TMEM41B: variants seen among roughly 807,000 people sequenced by gnomAD.
The protein encoded by TMEM41B is protein stasimon.
TMEM41B carries 18 observed loss-of-function variants against 31.9 expected under a neutral mutation model. The ratio of observed to expected loss-of-function variants is 0.56; its 90% CI spans 0.39 to 0.84. The LOEUF (loss-of-function observed/expected upper bound fraction) is 0.84. TMEM41B is among the 40% of genes least tolerant of loss of function. The pLI, the probability that TMEM41B is intolerant of heterozygous loss-of-function variation, is 0.00. For synonymous variants in TMEM41B, 144 were observed against 124.3 expected, an observed-to-expected ratio of 1.16 and a Z score of -1.05; for missense variants, 322 against 348.0, an observed-to-expected ratio of 0.93 and a Z score of 0.59.
At chr11:9,310,041 A>ATTT (rs1254741007) in intron 1 of TMEM41B, among the ~76,000 whole-genome samples, 1 of 148,278 alleles carries the variant, frequency 6.7e-6, no homozygotes, top group Non-Finnish European at 1.5e-5. Flanking sequence ...TATTATTATT[A>ATTT]TTATTTTTTT....
In TMEM41B at chr11:9,297,358, T is replaced by C. The variant is rs546027541; in HGVS notation, c.240-1971A>G. Among the ~76,000 whole-genome samples, 5 of 152,322 alleles carry C rather than the reference T, an allele frequency of 3.3e-5. No homozygotes were observed. The South Asian group carries it at 1.0e-3, about 32-fold the overall frequency. On this transcript the variant is annotated intron_variant, in intron 2 of 6. Transcript: ENST00000528080. The stretch of plus-strand genomic sequence containing the variant: ...CCTTGGCCTCCCAAAGTACTGGGGT[T>C]ACAGGCATGAGCCACCGCGCCAGGC...
Position 9,284,605 on chromosome 11 carries a change from A to G in TMEM41B, c.707-1012T>C, listed in dbSNP as rs143804697. On this transcript the variant is annotated intron_variant, in intron 6 of 6. Transcript: ENST00000528080. ...TGATGAAGCTCCATCTCTACTAAAA[A>G]TACAAAAATTAGCTGGGTGTGTTGG... Among the ~76,000 whole-genome samples, 100 of 152,184 alleles carry G rather than the reference A, an allele frequency of 6.6e-4. No individual in the cohort carries two copies. The Middle Eastern group carries it at 0.014, about 21-fold the overall frequency.
intron 4 of TMEM41B, chr11:9,288,122 C>G (rs1852877183): frequency 5.5e-6 from 2 of 366,698 alleles, no homozygotes; most frequent in Middle Eastern, 7.4e-4. Context: ...CCGACCCCCC[C>G]AGTTCCTAAG....
chr11:9,300,289 T>G (rs1020916384), intron 1 of TMEM41B, among the ~76,000 whole-genome samples: 14 of 152,076 alleles, frequency 9.2e-5, no homozygotes, highest in African/African-American at 3.4e-4. Context: ...AAAAAGAACA[T>G]TGTTCTAAAT....
chr11:9,314,286 G>C, intron 1 of TMEM41B, 35 bp downstream of exon 1: 1 of 1,562,382 alleles, frequency 6.4e-7, no homozygotes, highest in Non-Finnish European at 8.6e-7. Context: ...AGAAGCCTCG[G>C]GCCACCCCCA....
intron 5 of TMEM41B, 133 bp from the exon 6 acceptor site, chr11:9,286,726 G>A (rs1362130360): frequency 2.5e-5 from 24 of 944,946 alleles, no homozygotes; most frequent in Middle Eastern, 3.7e-4. Flanking sequence ...TCAGGCTGGC[G>A]AGGTGGTTCA....
At chr11:9,312,461 A>G (rs1455813954) in intron 1 of TMEM41B, among the ~76,000 whole-genome samples, 1 of 152,230 alleles carries the variant, frequency 6.6e-6, no homozygotes, top group Non-Finnish European at 1.5e-5. Flanking sequence ...TGATCATGCC[A>G]CTGCACTCCA....
rs146613463 is a variant in TMEM41B at position 9,302,568 on chromosome 11, C to T, written c.122-2867G>A. On this transcript the variant is annotated intron_variant, in intron 1 of 6. Coordinates refer to ENST00000528080, the MANE Select transcript of TMEM41B (RefSeq NM_015012.4). ...TCAGCCCCTCAAGTAGCTGGCACTA[C>T]AGGCATGTAACACTGAGCCCTGACT... 6.2e-3 allele frequency among the ~76,000 whole-genome samples: 616 copies of T among 99,618 alleles called. 213 individuals are homozygous for T. The highest frequency in any genetic ancestry group is 0.011 in the Non-Finnish European group (491 of 46,498). The allele number at this position is 99,618 out of a possible 152,430, so 65.4% of individuals were successfully genotyped here. A position where few individuals can be genotyped will look rare whatever the true frequency, so the allele number is the denominator to read the frequency against.
chr11:9,311,080 GCAA>G (rs759632939), intron 1 of TMEM41B, among the ~76,000 whole-genome samples: 8 of 152,260 alleles, frequency 5.3e-5, no homozygotes, highest in Non-Finnish European at 1.2e-4. Flanking sequence ...ATCTATCCAA[GCAA>G]CAACAAGATG....
chr11:9,296,698 T>A (rs1288657847), intron 2 of TMEM41B, among the ~76,000 whole-genome samples: 2 of 151,872 alleles, frequency 1.3e-5, no homozygotes, highest in Non-Finnish European at 2.9e-5. Flanking sequence ...ATCCTGATGA[T>A]AAACTAAATA....
At chr11:9,289,112 TC>T (rs796280387) in intron 3 of TMEM41B, among the ~76,000 whole-genome samples, 56 of 152,282 alleles carry the variant, frequency 3.7e-4, no homozygotes, top group African/African-American at 1.3e-3. Flanking sequence ...CAAGCAATTC[TC>T]CCACTTCAGC....
At chr11:9,312,346 C>T (rs1442789459) in intron 1 of TMEM41B, among the ~76,000 whole-genome samples, 1 of 152,144 alleles carries the variant, frequency 6.6e-6, no homozygotes, top group Non-Finnish European at 1.5e-5. Flanking sequence ...CTACAAAAAA[C>T]AAATAATTAG....
In TMEM41B at chr11:9,286,445, G is replaced by A; in HGVS notation, c.706+10C>T. On this transcript the variant is annotated intron_variant, in intron 6 of 6. Coordinates refer to ENST00000528080, the MANE Select transcript of TMEM41B (RefSeq NM_015012.4). ...GTGAGCTCATACACAGCAAGAACCA[G>A]AGGGCTTACCTAGAAAAGTACCAAT... is the stretch of plus-strand genomic sequence containing the variant. 1 of 1,606,390 alleles carries A rather than the reference G, an allele frequency of 6.2e-7. No homozygotes were observed. The highest frequency in any genetic ancestry group is 8.5e-7 in the Non-Finnish European group (1 of 1,176,804).
At chr11:9,293,323 G>A (rs1222920490) in intron 3 of TMEM41B, among the ~76,000 whole-genome samples, 1 of 152,048 alleles carries the variant, frequency 6.6e-6, no homozygotes, top group Non-Finnish European at 1.5e-5. Flanking sequence ...AGCCAGTCTC[G>A]AACCACTGGC....
chr11:9,301,171 G>A (rs1348206613), intron 1 of TMEM41B, among the ~76,000 whole-genome samples: 7 of 151,650 alleles, frequency 4.6e-5, no homozygotes, highest in Admixed American at 3.3e-4. Flanking sequence ...CGAGGTGGGC[G>A]GATCACAAGG....
chr11:9,281,063 A>T lies in TMEM41B; in HGVS notation c.*2361T>A, dbSNP rs1336469450. On this transcript the variant is annotated 3_prime_UTR_variant, in exon 7 of 7. Coordinates refer to ENST00000528080, the MANE Select transcript of TMEM41B (RefSeq NM_015012.4). Reference sequence around the variant, plus strand: ...GCAGCTACCATTAACAAAAAAAAAAATTAGCAAAGGGAAAGAATCAATGGT... The same window carrying T: ...GCAGCTACCATTAACAAAAAAAAAATTTAGCAAAGGGAAAGAATCAATGGT... The T allele has an allele frequency of 6.6e-6, 1 of 152,188 alleles. No individual in the cohort carries two copies. Among genetic ancestry groups the T allele is most frequent in the Non-Finnish European group, 1.5e-5 (1 of 68,042 alleles). 9.4% of individuals were successfully genotyped at this position (152,188 alleles called of 1,614,324 possible). A position where few individuals can be genotyped will look rare whatever the true frequency, so the allele number is the denominator to read the frequency against.
chr11:9,304,160 G>A (rs1028039017), intron 1 of TMEM41B, among the ~76,000 whole-genome samples: 1 of 152,120 alleles, frequency 6.6e-6, no homozygotes, highest in Non-Finnish European at 1.5e-5. Context: ...ACCCACAGAC[G>A]TATTGATATG....
chr11:9,314,369 C>G lies in TMEM41B; in HGVS notation c.73G>C (p.Ala25Pro). 1.3e-6 allele frequency: 2 copies of G among 1,585,022 alleles called. No homozygotes were observed. The highest frequency in any genetic ancestry group is 1.7e-6 in the Non-Finnish European group (2 of 1,166,862). Reference protein sequence around the residue: ...HHTTPVGDGAAGTRGLAAPGS... With the variant: ...HHTTPVGDGAPGTRGLAAPGS... ...GGCGCCGCGAGACCCCGCGTCCCCGCTGCCCCGTCCCCCACGGGGGTCGTG... is the reference window on the plus strand; with the variant it reads ...GGCGCCGCGAGACCCCGCGTCCCCGGTGCCCCGTCCCCCACGGGGGTCGTG... Residue 25 changes from alanine to proline, a missense_variant, in exon 1 of 7, where the codon GCG (alanine) becomes CCG (proline). Physicochemically the swap from Ala to Pro is conservative, Grantham distance 27. Around this residue, in one of 3 missense-constraint regions of TMEM41B, gnomAD observed 183 missense variants for 175.3 expected, o/e 1.04. Coordinates refer to ENST00000528080, the MANE Select transcript of TMEM41B (RefSeq NM_015012.4).
At chr11:9,290,541 AAGT>A (rs1852932810) in intron 3 of TMEM41B, among the ~76,000 whole-genome samples, 2 of 139,994 alleles carry the variant, frequency 1.4e-5, no homozygotes, top group East Asian at 2.2e-4. Context: ...CCAGAACTTA[AAGT>A]ATAATAATAA....
Sources: allele counts gnomAD v4.1 joint callset (sites outside exome capture counted in the v4.1 genomes callset), GRCh38; gene constraint gnomAD v4.1.1; regional missense constraint gnomAD v4.1.1; transcripts MANE v1.5; gene names NCBI Gene and HGNC (gene_info 2026-07-23, HGNC 2026-07-21).